The following KALRN variants were observed in gnomAD, a reference collection of about 807,000 sequenced individuals.
The protein encoded by KALRN is kalirin RhoGEF kinase.
Under a neutral mutation model 353.7 loss-of-function variants are expected in KALRN, and 70 were observed. The ratio of observed to expected loss-of-function variants is 0.20; its 90% CI spans 0.16 to 0.24. The LOEUF (loss-of-function observed/expected upper bound fraction) is 0.24. Among genes scored for constraint, KALRN ranks in the 10% least tolerant of loss-of-function variants. The probability of loss-of-function intolerance (pLI) is 1.00; values close to 1 mark genes in which losing one functional copy is unlikely to be tolerated. For synonymous variants in KALRN, 1,391 were observed against 1,434.8 expected (o/e 0.97, Z 0.69); for missense variants, 2,791 against 3,756.7 (o/e 0.74, Z 6.72).
chr3:124,509,504 A>C (rs2065633656), intron 33 of KALRN, among the ~76,000 whole-genome samples: 1 of 152,192 alleles, frequency 6.6e-6, no homozygotes, highest in African/African-American at 2.4e-5. Flanking sequence ...CACTGCTCCC[A>C]ACCACATTTA....
chr3:124,403,015 T>G (rs562069075), intron 13 of KALRN, among the ~76,000 whole-genome samples: 1 of 152,330 alleles, frequency 6.6e-6, no homozygotes, highest in African/African-American at 2.4e-5. Context: ...TAAAACTAGA[T>G]AGTAGATAAA....
At chr3:124,089,626 C>G (rs545247325) in intron 1 of KALRN, among the ~76,000 whole-genome samples, 74 of 151,794 alleles carry the variant, frequency 4.9e-4, no homozygotes, top group African/African-American at 1.7e-3. Flanking sequence ...GAGGGTCTCT[C>G]CAAATATTTC....
chr3:124,461,859 T>A, intron 23 of KALRN, 31 bp from the exon 24 acceptor site: 1 of 1,537,140 alleles, frequency 6.5e-7, no homozygotes, highest in South Asian at 1.1e-5. Flanking sequence ...TATATCTATA[T>A]CCAAGTAAAA....
chr3:124,342,413 T>A (rs552741781), intron 9 of KALRN, among the ~76,000 whole-genome samples: 1 of 152,346 alleles, frequency 6.6e-6, no homozygotes, highest in Admixed American at 6.5e-5. Flanking sequence ...ATGTGATATT[T>A]GTCTTTCTGT....
At chr3:124,532,243 C>T (rs2068102952) in intron 33 of KALRN, among the ~76,000 whole-genome samples, 1 of 152,210 alleles carries the variant, frequency 6.6e-6, no homozygotes, top group Non-Finnish European at 1.5e-5. Context: ...GTCATGTCAC[C>T]TCTTATAAGT....
rs140687074 is a variant in KALRN at position 124,176,689 on chromosome 3, T to A, written c.74-51301T>A. On this transcript the variant is annotated intron_variant, in intron 1 of 59. Coordinates refer to ENST00000682506, the MANE Select transcript of KALRN (RefSeq NM_001388419.1). ...GTCATTTTTCCAGTCTGATCTCAGT[T>A]TCTTTTGATGCAAAGCAAGGTTCAG... 1.7e-3 allele frequency among the ~76,000 whole-genome samples: 266 copies of A among 152,332 alleles called. 3 individuals carry two copies. Among genetic ancestry groups the A allele is most frequent in the African/African-American group, 5.6e-3 (231 of 41,574 alleles).
intron 1 of KALRN, among the ~76,000 whole-genome samples, chr3:124,193,213 G>A (rs1291055498): frequency 2.6e-5 from 4 of 152,092 alleles, no homozygotes; most frequent in African/African-American, 4.8e-5. Context: ...TTTAGCCAGC[G>A]GAAAGCCCTG....
At position 124,293,930 on chromosome 3, in the gene KALRN, A is replaced by G. The variant is rs149062909; in HGVS notation, c.970-4861A>G. ...GAATAACCTATGACCAACTCATAGT[A>G]TTCATTCATTCATTCATTCATTCAG... On this transcript the variant is annotated intron_variant, in intron 5 of 59. Coordinates refer to ENST00000682506, the MANE Select transcript of KALRN (RefSeq NM_001388419.1). Among the ~76,000 whole-genome samples the G allele has an allele frequency of 2.5e-3, 373 of 150,030 alleles. 2 individuals carry two copies. The highest frequency in any genetic ancestry group is 8.9e-3 in the African/African-American group (354 of 39,600).
At chr3:124,478,599 C>A (rs2061651531) in intron 27 of KALRN, among the ~76,000 whole-genome samples, 1 of 152,118 alleles carries the variant, frequency 6.6e-6, no homozygotes, top group African/African-American at 2.4e-5. Context: ...AGATTTGGAA[C>A]CACAGAAGAA....
chr3:124,239,115 G>C (rs771193150), intron 3 of KALRN, among the ~76,000 whole-genome samples: 1 of 152,086 alleles, frequency 6.6e-6, no homozygotes, highest in East Asian at 1.9e-4. Flanking sequence ...CTGGTCTGCT[G>C]TCTGCTTACA....
At chr3:124,309,818 A>G (rs1316919968) in intron 6 of KALRN, among the ~76,000 whole-genome samples, 1 of 152,234 alleles carries the variant, frequency 6.6e-6, no homozygotes, top group Non-Finnish European at 1.5e-5. Context: ...AAAAATTCAC[A>G]GCTATTGTTA....
chr3:124,367,603 T>C (rs2085053441), intron 10 of KALRN, among the ~76,000 whole-genome samples: 1 of 31,412 alleles, frequency 3.2e-5, no homozygotes, highest in Non-Finnish European at 6.0e-5. Flanking sequence ...GAGGCGCCCC[T>C]CACCTCCCGG....
At chr3:124,387,172 A>G (rs1424017404) in intron 11 of KALRN, among the ~76,000 whole-genome samples, 1 of 152,156 alleles carries the variant, frequency 6.6e-6, no homozygotes, top group Non-Finnish European at 1.5e-5. Context: ...TGTGTGGGAG[A>G]CAGGAATAGT....
rs144099513 is a variant in KALRN at position 124,719,394 on chromosome 3, G to A, written c.8885G>A (p.Arg2962His). ...TSRLACFIER[R>H]KHQNDVRPIP... ...CGCCTAGCATGCTTCATAGAACGTC[G>A]CAAGCACCAGAATGATGTGCGGCCT... The change falls in exon 60 of 60, where the codon CGC (arginine) becomes CAC (histidine). Residue 2962 changes from arginine to histidine, a missense_variant. Around this residue, in one of 11 missense-constraint regions of KALRN, gnomAD observed 188 missense variants for 402.9 expected, o/e 0.47. Coordinates refer to ENST00000682506, the MANE Select transcript of KALRN (RefSeq NM_001388419.1). The surrounding 1 kb of genome is among the most constrained non-coding windows in gnomAD (Gnocchi z 5.3). 6.2e-7 allele frequency: 1 copy of A among 1,614,144 alleles called. No homozygotes were observed. Among genetic ancestry groups the A allele is most frequent in the Non-Finnish European group, 8.5e-7 (1 of 1,180,046 alleles).
chr3:124,464,991 T>C (rs1034420564), intron 25 of KALRN, among the ~76,000 whole-genome samples: 24 of 152,218 alleles, frequency 1.6e-4, no homozygotes, highest in East Asian at 7.7e-4. Flanking sequence ...GCAGTAACCC[T>C]GAGTCATGAA....
intron 57 of KALRN, among the ~76,000 whole-genome samples, chr3:124,704,731 G>A (rs2062514367): frequency 6.6e-6 from 1 of 151,676 alleles, no homozygotes; most frequent in South Asian, 2.1e-4. Context: ...CATTTTTTTT[G>A]TAGATACGGT....
intron 10 of KALRN, among the ~76,000 whole-genome samples, chr3:124,363,218 C>T (rs1337493718): frequency 6.6e-6 from 1 of 152,182 alleles, no homozygotes; most frequent in Non-Finnish European, 1.5e-5. Context: ...CCTAGATTTT[C>T]CCTTTCTTCA....
chr3:124,056,757 C>G (rs2041583987), intron 1 of KALRN, among the ~76,000 whole-genome samples: 2 of 152,200 alleles, frequency 1.3e-5, no homozygotes, highest in East Asian at 3.9e-4. Flanking sequence ...TTGCCAGTCT[C>G]TGGATGAGCT....
At chr3:124,501,855 G>T (rs588684) in intron 33 of KALRN, among the ~76,000 whole-genome samples, 27,081 of 152,224 alleles carry the variant, frequency 0.18, 3,059 homozygotes, top group Non-Finnish European at 0.24. Context: ...TAAATGAGAA[G>T]AGGTCCTGCC....
Sources: allele counts gnomAD v4.1 joint callset (sites outside exome capture counted in the v4.1 genomes callset), GRCh38; gene constraint gnomAD v4.1.1; regional missense constraint gnomAD v4.1.1; non-coding constraint Gnocchi (gnomAD v3.1); transcripts MANE v1.5; gene names NCBI Gene and HGNC (gene_info 2026-07-23, HGNC 2026-07-21).